The following HYLS1 variants were observed in gnomAD, a reference collection of about 807,000 sequenced individuals.
HYLS1 encodes the protein HYLS1 centriolar and ciliogenesis associated.
In HYLS1, 25 loss-of-function variants were observed where a neutral mutation model predicts 29.4. The ratio of observed to expected loss-of-function variants is 0.85; its 90% CI spans 0.62 to 1.19. The LOEUF (loss-of-function observed/expected upper bound fraction) is 1.19, where lower values mean the gene tolerates loss of function less well. Ranked by LOEUF, HYLS1 falls within the 50% of genes most tolerant of loss-of-function variation. The pLI is 0.00. For missense variants in HYLS1, 352 were observed against 365.1 expected, an observed-to-expected ratio of 0.96 and a Z score of 0.29; for synonymous variants, 128 against 126.7, an observed-to-expected ratio of 1.01 and a Z score of -0.07.
intron 2 of HYLS1, chr11:125,893,807 G>A (rs1944483297): frequency 2.5e-6 from 4 of 1,610,414 alleles, no homozygotes; most frequent in Non-Finnish European, 3.4e-6. Flanking sequence ...TTTAATTTCT[G>A]TGTCAACACA....
chr11:125,900,233 C>G lies in HYLS1; in HGVS notation c.865C>G (p.Pro289Ala). The stretch of plus-strand genomic sequence containing the variant: ...TTGTGACCTTGCAAATGGTGTCATA[C>G]CCAGGAAGCTTCCCTTCCCTCTTTC... ...VRCDLANGVI[P>A]RKLPFPLSPS Residue 289 changes from proline to alanine, a missense_variant, in exon 3 of 3, where the codon CCC becomes GCC. Coordinates refer to ENST00000425380, the MANE Select transcript of HYLS1 (RefSeq NM_001134793.2). 6.2e-7 allele frequency: 1 copy of G among 1,614,168 alleles called. No homozygotes were observed. Among genetic ancestry groups the G allele is most frequent in the Non-Finnish European group, 8.5e-7 (1 of 1,180,008 alleles).
In HYLS1 at chr11:125,893,781, A is replaced by G. The variant is rs767187090; in HGVS notation, c.-26+2309A>G. 2.7e-5 allele frequency: 43 copies of G among 1,594,718 alleles called. No individual in the cohort carries two copies. The South Asian group carries it at 3.1e-4, about 12-fold the overall frequency. On this transcript the variant is annotated intron_variant, in intron 2 of 2. Transcript: ENST00000425380. ...GTTCCTAGATCCTGGCAAATTGTCTATGGTTAAATGATGCTTTTAATTTCT... is the reference window on the plus strand; with the variant it reads ...GTTCCTAGATCCTGGCAAATTGTCTGTGGTTAAATGATGCTTTTAATTTCT...
upstream of HYLS1, among the ~76,000 whole-genome samples, chr11:125,885,714 C>T (rs1208323236): frequency 2.0e-5 from 3 of 152,230 alleles, no homozygotes; most frequent in Admixed American, 6.5e-5. Context: ...GGAACCAGGC[C>T]GCAAGGCAGG....
At chr11:125,886,050 A>T (rs1353709842), upstream of HYLS1, among the ~76,000 whole-genome samples, 1 of 152,214 alleles carries the variant, frequency 6.6e-6, no homozygotes, top group Non-Finnish European at 1.5e-5. Flanking sequence ...AATAAAGTGC[A>T]CAATAAATGT....
intron 2 of HYLS1, chr11:125,893,692 GA>G: frequency 1.1e-6 from 1 of 921,382 alleles, no homozygotes; most frequent in South Asian, 2.6e-5. Context: ...CTGATCATCT[GA>G]ATTCCTAGTA....
rs1337611223 is a variant in HYLS1, at chr11:125,891,483, G to T, written c.-26+11G>T. The T allele has an allele frequency of 1.9e-5, 2 of 107,254 alleles. No individual in the cohort carries two copies. The highest frequency in any genetic ancestry group is 7.1e-5 in the African/African-American group (2 of 28,318). The allele number at this position is 107,254 out of a possible 1,614,324, so 6.6% of individuals were successfully genotyped here. On this transcript the variant is annotated intron_variant, in intron 2 of 2. Coordinates refer to ENST00000425380, the MANE Select transcript of HYLS1 (RefSeq NM_001134793.2). ...ATACATTGAAATAAGGTAAGAAATT[G>T]AAAAAAAAAAAAAAAAACCTTGGTT...
intron 2 of HYLS1, 54 bp from the exon 3 acceptor site, chr11:125,899,290 A>G (rs1944684361): frequency 1.5e-6 from 2 of 1,340,624 alleles, no homozygotes; most frequent in South Asian, 2.6e-5. Context: ...GGAATGAGCA[A>G]TTTATGAGCT....
At chr11:125,896,605 C>T (rs1260546714) in intron 2 of HYLS1, among the ~76,000 whole-genome samples, 1 of 152,178 alleles carries the variant, frequency 6.6e-6, no homozygotes, top group Non-Finnish European at 1.5e-5. Context: ...CTATAGATTT[C>T]ATTTCTCTAT....
chr11:125,892,032 G>A (rs1016584890), intron 2 of HYLS1, among the ~76,000 whole-genome samples: 6 of 152,174 alleles, frequency 3.9e-5, no homozygotes, highest in Non-Finnish European at 7.4e-5. Context: ...TTGAACATGG[G>A]TAGGAAAAAA....
intron 1 of HYLS1, chr11:125,888,105 G>T (rs1944341452): frequency 6.6e-6 from 1 of 152,278 alleles, no homozygotes. Context: ...CGGCCCCAGG[G>T]CTGGAGGGGA....
intron 2 of HYLS1, among the ~76,000 whole-genome samples, chr11:125,898,853 C>G (rs991275665): frequency 1.3e-5 from 2 of 151,968 alleles, no homozygotes; most frequent in African/African-American, 4.8e-5. Context: ...AATTTCAGCT[C>G]CACTACTTAC....
chr11:125,893,828 G>C, intron 2 of HYLS1: 1 of 1,613,464 alleles, frequency 6.2e-7, no homozygotes, highest in Non-Finnish European at 8.5e-7. Context: ...GACCCTCTTC[G>C]TTGGTGTCTC....
At chr11:125,896,362 C>A in intron 2 of HYLS1, 1 of 1,325,652 alleles carries the variant, frequency 7.5e-7, no homozygotes. Context: ...ACAACAGTTT[C>A]AATGCTAGTT....
rs776267686 is a variant in HYLS1, at chr11:125,896,868, T to C, written c.-25-2476T>C. Among the ~76,000 whole-genome samples the C allele has an allele frequency of 2.0e-5, 3 of 152,308 alleles. No individual in the cohort carries two copies. In the South Asian group the frequency reaches 6.2e-4, roughly 32 times the overall value. Reference sequence around the variant, plus strand: ...CCTAACTGAAGAAGCTTACCGATGGTTGTATTTCACATTGGAAGTAGAAGC... The same window carrying C: ...CCTAACTGAAGAAGCTTACCGATGGCTGTATTTCACATTGGAAGTAGAAGC... On this transcript the variant is annotated intron_variant, in intron 2 of 2. Transcript: ENST00000425380.
chr11:125,887,512 A>C (rs1944326276), upstream of HYLS1: 1 of 152,292 alleles, frequency 6.6e-6, no homozygotes, highest in Admixed American at 6.5e-5. Context: ...GAGAAGGCCC[A>C]GACAAAATGT....
chr11:125,886,572 ATTTTTTTTTTTTTTTTT>A (rs68098484), upstream of HYLS1, among the ~76,000 whole-genome samples: 63 of 117,426 alleles, frequency 5.4e-4, no homozygotes, highest in Non-Finnish European at 7.5e-4. Context: ...CAAGCACTAG[ATTTTTTTTTTTTTTTTT>A]TTTTTTTTTT....
At chr11:125,895,302 A>G (rs1455944950) in intron 2 of HYLS1, 4 of 1,613,768 alleles carry the variant, frequency 2.5e-6, no homozygotes, top group Non-Finnish European at 3.4e-6. Flanking sequence ...TCCTTGGCCA[A>G]TCAGAAAGAG....
intron 2 of HYLS1, chr11:125,893,987 A>C (rs760524996): frequency 6.2e-7 from 1 of 1,614,132 alleles, no homozygotes; most frequent in South Asian, 1.1e-5. Context: ...AGGACGGTCC[A>C]TGAGGGGCTT....
At chr11:125,894,328 C>G (rs766974120) in intron 2 of HYLS1, 8 of 1,504,148 alleles carry the variant, frequency 5.3e-6, no homozygotes, top group Non-Finnish European at 7.2e-6. Context: ...TACATAACAT[C>G]CATCTAACAG....
Sources: gnomAD v4.1 joint callset for allele counts (sites outside exome capture counted in the v4.1 genomes callset) on GRCh38, gnomAD v4.1.1 for gene constraint, MANE v1.5 for transcripts, NCBI Gene and HGNC (gene_info 2026-07-23, HGNC 2026-07-21) for gene names.